The following MSMP variants were observed in gnomAD, a reference collection of about 807,000 sequenced individuals.
MSMP encodes the protein prostate-associated microseminoprotein.
In MSMP, 9 loss-of-function variants were observed where a neutral mutation model predicts 15.8. The observed-to-expected ratio is 0.57, with a 90% confidence interval of 0.34 to 0.99. The LOEUF (loss-of-function observed/expected upper bound fraction) is 0.99, where lower values mean the gene tolerates loss of function less well. Ranked by LOEUF, MSMP falls within the 50% of genes least tolerant of loss-of-function variation. MSMP has a pLI of 0.02. For synonymous variants in MSMP, 64 were observed against 64.4 expected (o/e 0.99, Z 0.03); for missense variants, 170 against 173.4 (o/e 0.98, Z 0.11).
At position 35,754,026 on chromosome 9, in the gene MSMP, T is replaced by C. The variant is rs768597316; in HGVS notation, c.104A>G (p.Tyr35Cys). ...MSLLLQHPGV[Y>C]SKCYFQAQAP... is the part of the protein sequence containing the mutation. ...TTGAGCTTGGAAGTAGCACTTGCTG[T>C]AGACTCCTGGGTGCTGGAGGAGTAG... Residue 35 changes from tyrosine to cysteine, a missense_variant, in exon 1 of 3, where the codon TAC (tyrosine) becomes TGC (cysteine). Tyr to Cys is a radical substitution (Grantham distance 194). Transcript: ENST00000436428. The C allele has an allele frequency of 2.0e-5, 33 of 1,613,650 alleles. No individual in the cohort carries two copies. The Admixed American group carries it at 5.5e-4, about 27-fold the overall frequency.
rs752735628 is a variant in MSMP at position 35,753,174 on chromosome 9, C to A, written c.346G>T (p.Gly116Trp). The A allele has an allele frequency of 1.2e-6, 2 of 1,614,188 alleles. No individual in the cohort carries two copies. The highest frequency in any genetic ancestry group is 1.7e-4 in the Middle Eastern group (1 of 6,060). The change falls in exon 3 of 3, where the codon GGG becomes TGG. Residue 116 changes from glycine (G) to tryptophan (W), a missense_variant. Gly to Trp is a radical substitution (Grantham distance 184). Transcript: ENST00000436428. This position sits in a 1 kb window ranked among gnomAD's most constrained non-coding sequence, Gnocchi z 4.2. ...QKSDPRLPCK[G>W]GGPDPEWGSA... Reference sequence around the variant, plus strand: ...CCCCATTCTGGGTCAGGCCCTCCCCCTTTGCAGGGCAGCCGAGGGTCAGAT... The same window carrying A: ...CCCCATTCTGGGTCAGGCCCTCCCCATTTGCAGGGCAGCCGAGGGTCAGAT...
In MSMP at chr9:35,753,989, C is replaced by T. The variant is rs371826557; in HGVS notation, c.130+11G>A. ...CTGCTCCTCCATTCCTAACGCTTCA[C>T]CCCACTTTACCTTGAGCTTGGAAGT... On this transcript the variant is annotated intron_variant, in intron 1 of 2. Coordinates refer to ENST00000436428, the MANE Select transcript of MSMP (RefSeq NM_001044264.3). The surrounding 1 kb of genome is among the most constrained non-coding windows in gnomAD (Gnocchi z 4.2). The T allele has an allele frequency of 1.1e-4, 178 of 1,610,104 alleles. No homozygotes were observed. Among genetic ancestry groups the T allele is most frequent in the Non-Finnish European group, 1.5e-4 (171 of 1,177,408 alleles).
At position 35,753,227 on chromosome 9, in the gene MSMP, C is replaced by G; in HGVS notation, c.293G>C (p.Gly98Ala). 1 of 1,614,164 alleles carries G rather than the reference C, an allele frequency of 6.2e-7. No individual in the cohort carries two copies. Among genetic ancestry groups the G allele is most frequent in the Non-Finnish European group, 8.5e-7 (1 of 1,180,034 alleles). Reference protein sequence around the residue: ...PAGCEVRQEAGTCQFSLVQKS... With the variant: ...PAGCEVRQEAATCQFSLVQKS... ...TTGCACCAAGGAGAACTGGCAGGTT[C>G]CTGCCTCCTGACGTACCTCACACCC... is the stretch of plus-strand genomic sequence containing the variant. Residue 98 changes from glycine to alanine, a missense_variant, in exon 3 of 3, where the codon GGA becomes GCA. Coordinates refer to ENST00000436428, the MANE Select transcript of MSMP (RefSeq NM_001044264.3). This position sits in a 1 kb window ranked among gnomAD's most constrained non-coding sequence, Gnocchi z 4.2.
At position 35,753,888 on chromosome 9, in the gene MSMP, T is replaced by C; in HGVS notation, c.130+112A>G. The C allele has an allele frequency of 6.5e-7, 1 of 1,550,340 alleles. No homozygotes were observed. The highest frequency in any genetic ancestry group is 8.8e-7 in the Non-Finnish European group (1 of 1,139,480). On this transcript the variant is annotated intron_variant, in intron 1 of 2. Coordinates refer to ENST00000436428, the MANE Select transcript of MSMP (RefSeq NM_001044264.3). This position sits in a 1 kb window ranked among gnomAD's most constrained non-coding sequence, Gnocchi z 4.2. ...CCCCGTATTTAGTTTGTCTTTCCTG[T>C]TTCACAGCTGGAGGAAGCCTGGGTA...
In MSMP at chr9:35,754,000, C is replaced by G. The variant is rs1827319229; in HGVS notation, c.130G>C (p.Ala44Pro). Residue 44 changes from alanine to proline, a missense_variant and splice_region_variant, in exon 1 of 3, where the codon GCC becomes CCC. Transcript: ENST00000436428. This position sits in a 1 kb window ranked among gnomAD's most constrained non-coding sequence, Gnocchi z 4.2. ...TTCCTAACGCTTCACCCCACTTTAC[C>G]TTGAGCTTGGAAGTAGCACTTGCTG... ...VYSKCYFQAQAPCHYEGKYFT... is the reference protein window; with the variant it reads ...VYSKCYFQAQPPCHYEGKYFT... The G allele has an allele frequency of 1.2e-6, 2 of 1,612,630 alleles. No homozygotes were observed.
At position 35,753,286 on chromosome 9, in the gene MSMP, G is replaced by T; in HGVS notation, c.240-6C>A. On this transcript the variant is annotated splice_region_variant and splice_polypyrimidine_tract_variant and intron_variant, in intron 2 of 2. Transcript: ENST00000436428. This position sits in a 1 kb window ranked among gnomAD's most constrained non-coding sequence, Gnocchi z 4.2. Reference sequence around the variant, plus strand: ...AGTCGATGGGATGCTGGGACCTGGGGAACCAAGGATAGGGGAAGGAGTCAG... The same window carrying T: ...AGTCGATGGGATGCTGGGACCTGGGTAACCAAGGATAGGGGAAGGAGTCAG... 1.9e-6 allele frequency: 3 copies of T among 1,612,658 alleles called. No individual in the cohort carries two copies. The highest frequency in any genetic ancestry group is 2.2e-5 in the South Asian group (2 of 91,050).
At position 35,753,670 on chromosome 9, in the gene MSMP, A is replaced by G. The variant is rs1296745666; in HGVS notation, c.229T>C (p.Cys77Arg). The part of the protein sequence containing the change: ...CTCLHPVGVG[C>R]CDTSQHPIDF... The stretch of plus-strand genomic sequence containing the variant: ...TCTTTGGTCACTCACGTGTCACAGC[A>G]GCCCACGCCAACAGGATGCAGACAG... Residue 77 changes from cysteine (C) to arginine (R), a missense_variant, in exon 2 of 3, where the codon TGC becomes CGC. Cys to Arg is a radical substitution (Grantham distance 180). Coordinates refer to ENST00000436428, the MANE Select transcript of MSMP (RefSeq NM_001044264.3). The surrounding 1 kb of genome is among the most constrained non-coding windows in gnomAD (Gnocchi z 4.2). The G allele has an allele frequency of 8.1e-6, 13 of 1,613,934 alleles. No individual in the cohort carries two copies. The highest frequency in any genetic ancestry group is 1.1e-5 in the Non-Finnish European group (13 of 1,179,836).
chr9:35,752,993 C>T lies in MSMP; in HGVS notation c.*107G>A. The T allele has an allele frequency of 6.5e-7, 1 of 1,534,422 alleles. No individual in the cohort carries two copies. ...TCGTGGACAGTGAGAGTCGGGCTTT[C>T]AGCTATAGCATTAATTTATTTGTTC... On this transcript the variant is annotated 3_prime_UTR_variant, in exon 3 of 3. Coordinates refer to ENST00000436428, the MANE Select transcript of MSMP (RefSeq NM_001044264.3).
rs1304927436 is a variant in MSMP, at chr9:35,754,145, C to T, written c.-16G>A. ...TTAGGGCCATTGCTGCTGCACAGCC[C>T]TCTCAGACCCTTCTTGGCCTCTGCT... On this transcript the variant is annotated 5_prime_UTR_variant, in exon 1 of 3. Transcript: ENST00000436428. 1 of 1,605,598 alleles carries T rather than the reference C, an allele frequency of 6.2e-7. No individual in the cohort carries two copies. The highest frequency in any genetic ancestry group is 1.3e-5 in the African/African-American group (1 of 74,644).
At position 35,753,114 on chromosome 9, in the gene MSMP, G is replaced by A. The variant is rs533987231; in HGVS notation, c.406C>T (p.Pro136Ser). 18 of 1,614,016 alleles carry A rather than the reference G, an allele frequency of 1.1e-5. No individual in the cohort carries two copies. The South Asian group carries it at 1.4e-4, about 13-fold the overall frequency. Residue 136 changes from proline to serine, a missense_variant, in exon 3 of 3, where the codon CCC becomes TCC. Transcript: ENST00000436428. The surrounding 1 kb of genome is among the most constrained non-coding windows in gnomAD (Gnocchi z 4.2). ...ATCAGTTGAGTTTAGCTGGAGTGGG[G>A]AGCAGGAGCCCCAGGAACAGGGGTG... ...ANTPVPGAPAPHSS is the reference protein window; with the variant it reads ...ANTPVPGAPASHSS
At position 35,754,051 on chromosome 9, in the gene MSMP, G is replaced by A. The variant is rs1280383917; in HGVS notation, c.79C>T (p.Leu27=). 1 of 1,613,892 alleles carries A rather than the reference G, an allele frequency of 6.2e-7. No homozygotes were observed. Among genetic ancestry groups the A allele is most frequent in the South Asian group, 1.1e-5 (1 of 91,082 alleles). ...GWGIICLVMS[L]LLQHPGVYSK... is the part of the protein sequence containing the mutation. ...TAGACTCCTGGGTGCTGGAGGAGTA[G>A]AGACATCACCAAGCAGATGATCCCC... Residue 27 remains leucine (L), a synonymous_variant, in exon 1 of 3, where the codon CTA becomes TTA. Transcript: ENST00000436428.
At position 35,753,816 on chromosome 9, in the gene MSMP, G is replaced by A. The variant is rs192014018; in HGVS notation, c.131-48C>T. On this transcript the variant is annotated intron_variant, in intron 1 of 2. Coordinates refer to ENST00000436428, the MANE Select transcript of MSMP (RefSeq NM_001044264.3). This position sits in a 1 kb window ranked among gnomAD's most constrained non-coding sequence, Gnocchi z 4.2. ...AGTAGGTGTAGGAGTGCTGATGAGA[G>A]GCAGAGGCTCTTCTGGTCTGGGGTG... 4.0e-4 allele frequency: 632 copies of A among 1,564,772 alleles called. 9 individuals are homozygous for A. In the East Asian group the frequency reaches 8.7e-3, roughly 22 times the overall value.
rs939265234 is a variant in MSMP, at chr9:35,753,787, T to C, written c.131-19A>G. ...CAGGGGGCTAGGGAAGAACGGGAAATGTTAGTAGGTGTAGGAGTGCTGATG... is the reference window on the plus strand; with the variant it reads ...CAGGGGGCTAGGGAAGAACGGGAAACGTTAGTAGGTGTAGGAGTGCTGATG... On this transcript the variant is annotated intron_variant, in intron 1 of 2. Coordinates refer to ENST00000436428, the MANE Select transcript of MSMP (RefSeq NM_001044264.3). This position sits in a 1 kb window ranked among gnomAD's most constrained non-coding sequence, Gnocchi z 4.2. 1 of 1,606,278 alleles carries C rather than the reference T, an allele frequency of 6.2e-7. No individual in the cohort carries two copies. The highest frequency in any genetic ancestry group is 8.5e-7 in the Non-Finnish European group (1 of 1,173,178).
Position 35,753,641 on chromosome 9 carries a change from G to C in MSMP, c.239+19C>G. ...ACTCATATCAGAGTCATTCTCTCTG[G>C]CCATCTTTGGTCACTCACGTGTCAC... On this transcript the variant is annotated intron_variant, in intron 2 of 2. Transcript: ENST00000436428. This position sits in a 1 kb window ranked among gnomAD's most constrained non-coding sequence, Gnocchi z 4.2. 6.3e-7 allele frequency: 1 copy of C among 1,587,248 alleles called. No individual in the cohort carries two copies. Among genetic ancestry groups the C allele is most frequent in the Middle Eastern group, 1.7e-4 (1 of 6,006 alleles).
rs758848388 is a variant in MSMP at position 35,753,307 on chromosome 9, G to A, written c.240-27C>T. The A allele has an allele frequency of 1.2e-6, 2 of 1,606,468 alleles. No homozygotes were observed. Among genetic ancestry groups the A allele is most frequent in the East Asian group, 2.2e-5 (1 of 44,826 alleles). ...TGGGGAACCAAGGATAGGGGAAGGA[G>A]TCAGCACAGTGAAAGGCTGCCTTTA... On this transcript the variant is annotated intron_variant, in intron 2 of 2. Coordinates refer to ENST00000436428, the MANE Select transcript of MSMP (RefSeq NM_001044264.3). This position sits in a 1 kb window ranked among gnomAD's most constrained non-coding sequence, Gnocchi z 4.2.
chr9:35,753,229 T>G lies in MSMP; in HGVS notation c.291A>C (p.Ala97=), dbSNP rs1477259431. The G allele has an allele frequency of 6.2e-7, 1 of 1,614,096 alleles. No homozygotes were observed. The highest frequency in any genetic ancestry group is 8.5e-7 in the Non-Finnish European group (1 of 1,180,046). The change falls in exon 3 of 3, where the codon GCA becomes GCC. Residue 97 remains alanine (A), a synonymous_variant. Coordinates refer to ENST00000436428, the MANE Select transcript of MSMP (RefSeq NM_001044264.3). This position sits in a 1 kb window ranked among gnomAD's most constrained non-coding sequence, Gnocchi z 4.2. Reference sequence around the variant, plus strand: ...GCACCAAGGAGAACTGGCAGGTTCCTGCCTCCTGACGTACCTCACACCCAG... The same window carrying G: ...GCACCAAGGAGAACTGGCAGGTTCCGGCCTCCTGACGTACCTCACACCCAG... ...FPAGCEVRQE[A]GTCQFSLVQK...
rs747578513 is a variant in MSMP at position 35,753,718 on chromosome 9, G to A, written c.181C>T (p.Arg61Cys). Residue 61 changes from arginine (R) to cysteine (C), a missense_variant, in exon 2 of 3, where the codon CGC (arginine) becomes TGC (cysteine). By Grantham distance (180) the Arg-to-Cys change is radical. Coordinates refer to ENST00000436428, the MANE Select transcript of MSMP (RefSeq NM_001044264.3). The surrounding 1 kb of genome is among the most constrained non-coding windows in gnomAD (Gnocchi z 4.2). ...KYFTLGESWLRKDCFHCTCLH... is the reference protein window; with the variant it reads ...KYFTLGESWLCKDCFHCTCLH... ...CAGGTGCAATGGAAACAGTCCTTGC[G>A]GAGCCAAGACTCACCCAGGGTAAAA... The A allele has an allele frequency of 7.4e-6, 12 of 1,614,016 alleles. No homozygotes were observed. The highest frequency in any genetic ancestry group is 4.0e-5 in the African/African-American group (3 of 74,894).
In MSMP at chr9:35,753,297, A is replaced by C. The variant is rs73438780; in HGVS notation, c.240-17T>G. On this transcript the variant is annotated splice_polypyrimidine_tract_variant and intron_variant, in intron 2 of 2. Coordinates refer to ENST00000436428, the MANE Select transcript of MSMP (RefSeq NM_001044264.3). This position sits in a 1 kb window ranked among gnomAD's most constrained non-coding sequence, Gnocchi z 4.2. ...TGCTGGGACCTGGGGAACCAAGGAT[A>C]GGGGAAGGAGTCAGCACAGTGAAAG... 3 of 1,610,932 alleles carry C rather than the reference A, an allele frequency of 1.9e-6. No individual in the cohort carries two copies. In the African/African-American group the frequency reaches 4.0e-5, roughly 22 times the overall value.
chr9:35,753,662 G>A lies in MSMP; in HGVS notation c.237C>T (p.Asp79=), dbSNP rs1827310104. 4 of 1,613,098 alleles carry A rather than the reference G, an allele frequency of 2.5e-6. No individual in the cohort carries two copies. The highest frequency in any genetic ancestry group is 1.7e-5 in the Admixed American group (1 of 59,980). Residue 79 remains aspartate, a splice_region_variant and synonymous_variant, in exon 2 of 3, where the codon GAC becomes GAT. Coordinates refer to ENST00000436428, the MANE Select transcript of MSMP (RefSeq NM_001044264.3). The surrounding 1 kb of genome is among the most constrained non-coding windows in gnomAD (Gnocchi z 4.2). The stretch of plus-strand genomic sequence containing the variant: ...TCTGGCCATCTTTGGTCACTCACGT[G>A]TCACAGCAGCCCACGCCAACAGGAT... ...CLHPVGVGCC[D]TSQHPIDFPA...
Sources: gnomAD v4.1 joint callset for allele counts on GRCh38, gnomAD v4.1.1 for gene constraint, Gnocchi (gnomAD v3.1) non-coding constraint, MANE v1.5 for transcripts, NCBI Gene and HGNC (gene_info 2026-07-23, HGNC 2026-07-21) for gene names.